NRXN3: variants seen among roughly 807,000 people sequenced by gnomAD.
NRXN3 encodes the protein neurexin 3.
A neutral mutation model predicts 137.6 loss-of-function variants in NRXN3; 32 were observed. That is an observed-to-expected ratio of 0.23 (90% CI 0.18 to 0.31). NRXN3 has a LOEUF of 0.31. Among genes scored for constraint, NRXN3 ranks in the 10% least tolerant of loss-of-function variants. NRXN3 has a pLI of 1.00. For missense variants in NRXN3, 1,574 were observed against 2,062.5 expected (o/e 0.76, Z 4.59); for synonymous variants, 798 against 784.5 (o/e 1.02, Z -0.29).
chr14:79,181,211 T>C (rs1269208774), intron 15 of NRXN3, among the ~76,000 whole-genome samples: 3 of 152,132 alleles, frequency 2.0e-5, no homozygotes, highest in African/African-American at 7.2e-5. Flanking sequence ...TTGATCTTTA[T>C]CTGAAAGAAG....
chr14:78,710,848 T>C (rs1415863804), intron 7 of NRXN3, among the ~76,000 whole-genome samples: 4 of 152,194 alleles, frequency 2.6e-5, no homozygotes, highest in Non-Finnish European at 4.4e-5. Flanking sequence ...CCTGGCTATT[T>C]TATTGCCCAG....
chr14:79,144,281 C>A (rs976118052), intron 15 of NRXN3, among the ~76,000 whole-genome samples: 1 of 152,152 alleles, frequency 6.6e-6, no homozygotes, highest in Non-Finnish European at 1.5e-5. Context: ...CATTTAAGTT[C>A]CTAGCTCCCA....
intron 15 of NRXN3, among the ~76,000 whole-genome samples, chr14:79,103,932 T>C (rs1200173904): frequency 2.0e-5 from 3 of 152,108 alleles, no homozygotes; most frequent in Non-Finnish European, 2.9e-5. Context: ...CATGCACATC[T>C]GCACAAGCAA....
chr14:78,942,730 T>C (rs959057727), intron 10 of NRXN3, among the ~76,000 whole-genome samples: 22 of 152,114 alleles, frequency 1.4e-4, no homozygotes, highest in Non-Finnish European at 1.5e-4. Context: ...TACAACAATA[T>C]ACAGTTTCAA....
At chr14:79,422,663 T>G (rs1013927154) in intron 15 of NRXN3, among the ~76,000 whole-genome samples, 3 of 151,776 alleles carry the variant, frequency 2.0e-5, no homozygotes, top group African/African-American at 7.3e-5. Flanking sequence ...CTGTCTAGAT[T>G]GAGCATGCAA....
intron 4 of NRXN3, among the ~76,000 whole-genome samples, chr14:78,536,997 A>G (rs1196350121): frequency 1.3e-5 from 2 of 151,646 alleles, no homozygotes; most frequent in East Asian, 3.9e-4. Context: ...TTCTTAATCC[A>G]GTCTATCATT....
At chr14:78,413,652 G>A (rs2092965143) in intron 4 of NRXN3, among the ~76,000 whole-genome samples, 1 of 152,310 alleles carries the variant, frequency 6.6e-6, no homozygotes, top group Non-Finnish European at 1.5e-5. Context: ...ATGTCTCCAG[G>A]TGAAGTGGCT....
chr14:78,546,797 C>T (rs1057450144), intron 4 of NRXN3, among the ~76,000 whole-genome samples: 1 of 152,098 alleles, frequency 6.6e-6, no homozygotes, highest in East Asian at 1.9e-4. Flanking sequence ...GCTGACTTGG[C>T]CTTGTCCCTC....
intron 15 of NRXN3, among the ~76,000 whole-genome samples, chr14:79,146,255 C>G (rs1049070753): frequency 1.3e-5 from 2 of 152,124 alleles, no homozygotes; most frequent in African/African-American, 4.8e-5. Context: ...AGAGCCTGTG[C>G]TCTTAACCAC....
Position 79,439,280 on chromosome 14 carries a change from CAGAA to C in NRXN3, c.3263-27938_3263-27935del, listed in dbSNP as rs765809919. Among the ~76,000 whole-genome samples the C allele has an allele frequency of 2.3e-4, 35 of 152,326 alleles. No homozygotes were observed. The East Asian group carries it at 6.2e-3, about 27-fold the overall frequency. On this transcript the variant is annotated intron_variant, in intron 15 of 20. Transcript: ENST00000335750. ...CACCAAATTATTTGACTTCTCTACT[CAGAA>C]AGCATTAAATTTTGAGGTTTAAGTA...
At chr14:78,310,344 C>A (rs547919932) in intron 4 of NRXN3, among the ~76,000 whole-genome samples, 1 of 144,648 alleles carries the variant, frequency 6.9e-6, no homozygotes, top group South Asian at 2.2e-4. Context: ...GTTTAGAAGT[C>A]ATTGGCTCAG....
At chr14:78,691,068 A>G (rs2098166491) in intron 6 of NRXN3, among the ~76,000 whole-genome samples, 1 of 152,156 alleles carries the variant, frequency 6.6e-6, no homozygotes, top group African/African-American at 2.4e-5. Context: ...GTCATCAAAG[A>G]GTTACTTGGA....
intron 19 of NRXN3, among the ~76,000 whole-genome samples, chr14:79,730,164 T>G (rs1179114891): frequency 6.6e-6 from 1 of 152,172 alleles, no homozygotes; most frequent in Non-Finnish European, 1.5e-5. Context: ...TTTTTCCTAC[T>G]AAAGGAATAG....
chr14:78,283,875 A>T (rs886562849), intron 3 of NRXN3, among the ~76,000 whole-genome samples: 2 of 152,184 alleles, frequency 1.3e-5, no homozygotes, highest in African/African-American at 4.8e-5. Context: ...CACAGCCTCT[A>T]AAGTGTTTAC....
At chr14:79,290,585 T>A (rs141840481) in intron 15 of NRXN3, among the ~76,000 whole-genome samples, 2 of 146,544 alleles carry the variant, frequency 1.4e-5, no homozygotes, top group African/African-American at 5.1e-5. Flanking sequence ...TGCATAAGCA[T>A]AGCAGACATA....
At chr14:79,390,099 C>T (rs200041154) in intron 15 of NRXN3, among the ~76,000 whole-genome samples, 7 of 152,138 alleles carry the variant, frequency 4.6e-5, no homozygotes, top group East Asian at 1.9e-4. Context: ...TGGTGGATCA[C>T]GAGGTCAGGA....
rs573532457 is a variant in NRXN3 at position 78,266,544 on chromosome 14, A to G, written c.710-12101A>G. The stretch of plus-strand genomic sequence containing the variant: ...GATCTCCTGACCTCATGATCCGCCC[A>G]CCTTGGCCTCCCAAAGTACTGGGAT... On this transcript the variant is annotated intron_variant, in intron 2 of 20. Coordinates refer to ENST00000335750, the MANE Select transcript of NRXN3 (RefSeq NM_001330195.2). Among the ~76,000 whole-genome samples, 19 of 152,150 alleles carry G rather than the reference A, an allele frequency of 1.2e-4. No homozygotes were observed. In the South Asian group the frequency reaches 3.1e-3, roughly 25 times the overall value.
chr14:79,378,887 A>C (rs949521548), intron 15 of NRXN3, among the ~76,000 whole-genome samples: 1 of 152,120 alleles, frequency 6.6e-6, no homozygotes, highest in African/African-American at 2.4e-5. Flanking sequence ...AAAAAAAAAA[A>C]AAAACCCTGA....
At chr14:78,496,772 T>C (rs1335819266) in intron 4 of NRXN3, among the ~76,000 whole-genome samples, 2 of 151,916 alleles carry the variant, frequency 1.3e-5, no homozygotes, top group East Asian at 3.9e-4. Context: ...GGTTATGTCG[T>C]TATTTGGGGA....
Sources: allele counts gnomAD v4.1 joint callset (sites outside exome capture counted in the v4.1 genomes callset), GRCh38; gene constraint gnomAD v4.1.1; transcripts MANE v1.5; gene names NCBI Gene and HGNC (gene_info 2026-07-23, HGNC 2026-07-21).